Variants in GPHN observed in about 807,000 individuals in gnomAD.
The protein encoded by GPHN is gephyrin.
A neutral mutation model predicts 95.5 loss-of-function variants in GPHN; 17 were observed. That is an observed-to-expected ratio of 0.18 (90% CI 0.12 to 0.27). GPHN has a LOEUF of 0.27. Among genes scored for constraint, GPHN ranks in the 10% least tolerant of loss-of-function variants. The pLI, the probability that GPHN is intolerant of heterozygous loss-of-function variation, is 1.00. For missense variants in GPHN, 660 were observed against 978.1 expected, an observed-to-expected ratio of 0.67 and a Z score of 4.34; for synonymous variants, 320 against 322.5, an observed-to-expected ratio of 0.99 and a Z score of 0.08.
chr14:67,427,985 G>A, the GPHN span, among the ~76,000 whole-genome samples: 80 of 150,568 alleles, frequency 5.3e-4, no homozygotes, highest in Non-Finnish European at 1.0e-3. Context: ...ACAGTGGCAC[G>A]ATTCTGGCTC....
intron 11 of GPHN, among the ~76,000 whole-genome samples, chr14:67,076,919 C>T (rs2076518713): frequency 6.6e-6 from 1 of 152,164 alleles, no homozygotes. Context: ...TCCTGGACCA[C>T]TGAACTTAGA....
chr14:67,319,044 C>T, the GPHN span, among the ~76,000 whole-genome samples: 3 of 147,924 alleles, frequency 2.0e-5, no homozygotes, highest in Non-Finnish European at 4.4e-5. Flanking sequence ...GGCGACAGAG[C>T]GAGACTCCGT....
At chr14:67,193,695 C>A in the GPHN span, among the ~76,000 whole-genome samples, 1 of 147,668 alleles carries the variant, frequency 6.8e-6, no homozygotes, top group African/African-American at 2.5e-5. Flanking sequence ...ATAATCCCAG[C>A]ACTTTGGGAG....
the GPHN span, among the ~76,000 whole-genome samples, chr14:67,354,346 CTTTG>C: frequency 1.3e-5 from 2 of 152,114 alleles, no homozygotes; most frequent in East Asian, 1.9e-4. Context: ...AAAATAATAT[CTTTG>C]TTTTAGTTTC....
chr14:67,320,384 A>C, the GPHN span: 21 of 1,606,740 alleles, frequency 1.3e-5, no homozygotes, highest in African/African-American at 2.3e-4. Flanking sequence ...ACCGCTTTGC[A>C]TCTGCAGTTC....
At chr14:66,813,172 G>C (rs978187698) in intron 3 of GPHN, among the ~76,000 whole-genome samples, 1 of 152,112 alleles carries the variant, frequency 6.6e-6, no homozygotes, top group Non-Finnish European at 1.5e-5. Flanking sequence ...TTTGCTAATA[G>C]TGCCTACTAT....
chr14:67,256,851 T>C, the GPHN span, among the ~76,000 whole-genome samples: 1 of 150,550 alleles, frequency 6.6e-6, no homozygotes, highest in East Asian at 2.0e-4. Context: ...CCTGATTTGT[T>C]TGAATGTATA....
At chr14:67,111,501 A>G (rs1391454074) in intron 14 of GPHN, among the ~76,000 whole-genome samples, 3 of 152,190 alleles carry the variant, frequency 2.0e-5, no homozygotes, top group African/African-American at 7.2e-5. Flanking sequence ...TTACCTCCAC[A>G]CACGTTCACT....
chr14:67,658,438 CA>C, the GPHN span, among the ~76,000 whole-genome samples: 4 of 150,544 alleles, frequency 2.7e-5, no homozygotes, highest in Admixed American at 6.6e-5. Context: ...ACTAAAAGTA[CA>C]AAAAAAAATT....
intron 8 of GPHN, among the ~76,000 whole-genome samples, chr14:66,943,929 T>A (rs1017222412): frequency 9.9e-5 from 15 of 152,174 alleles, no homozygotes; most frequent in Non-Finnish European, 1.5e-5. Flanking sequence ...GAGGGATCTA[T>A]CCACTTTTAA....
chr14:67,620,993 G>A, the GPHN span: 5 of 1,605,256 alleles, frequency 3.1e-6, no homozygotes, highest in Admixed American at 6.7e-5. Flanking sequence ...TTAGATATTA[G>A]TGCAGGACTA....
chr14:66,617,098 C>T (rs1595255025), intron 1 of GPHN, among the ~76,000 whole-genome samples: 2 of 152,266 alleles, frequency 1.3e-5, no homozygotes, highest in South Asian at 2.1e-4. Context: ...CTGGGCTTCC[C>T]GGATTCCTCA....
chr14:66,622,663 A>G (rs968019761), intron 1 of GPHN, among the ~76,000 whole-genome samples: 2 of 152,114 alleles, frequency 1.3e-5, no homozygotes, highest in Admixed American at 6.5e-5. Flanking sequence ...ATCTCTCTCA[A>G]GTTCAAAGTT....
the GPHN span, among the ~76,000 whole-genome samples, chr14:67,380,323 A>G: frequency 2.0e-5 from 3 of 150,990 alleles, no homozygotes; most frequent in Non-Finnish European, 4.4e-5. Context: ...AAGTTTTTCC[A>G]TGTTTTTTTT....
At chr14:66,587,409 C>G (rs925502094) in intron 1 of GPHN, among the ~76,000 whole-genome samples, 1 of 152,072 alleles carries the variant, frequency 6.6e-6, no homozygotes, top group Admixed American at 6.6e-5. Flanking sequence ...ATACCATAGA[C>G]AAACAAGTAT....
intron 3 of GPHN, among the ~76,000 whole-genome samples, chr14:66,793,414 A>G (rs1335270314): frequency 6.6e-6 from 1 of 152,220 alleles, no homozygotes; most frequent in Non-Finnish European, 1.5e-5. Context: ...CCACAGGAAC[A>G]AAATAATAAA....
chr14:67,150,391 A>G (rs1166597014), intron 18 of GPHN, among the ~76,000 whole-genome samples: 1 of 141,256 alleles, frequency 7.1e-6, no homozygotes, highest in African/African-American at 2.6e-5. Flanking sequence ...CAGTGAGCCG[A>G]GATCCCGCCA....
intron 4 of GPHN, among the ~76,000 whole-genome samples, chr14:66,861,144 G>A (rs1321641438): frequency 6.6e-6 from 1 of 152,028 alleles, no homozygotes; most frequent in Non-Finnish European, 1.5e-5. Context: ...GAGAAACACA[G>A]TTCACCTGTA....
At chr14:66,800,336 T>C (rs2060301707) in intron 3 of GPHN, among the ~76,000 whole-genome samples, 1 of 152,150 alleles carries the variant, frequency 6.6e-6, no homozygotes, top group African/African-American at 2.4e-5. Flanking sequence ...CTGCTTTTTT[T>C]CTGATCGAAG....
Sources: allele counts gnomAD v4.1 joint callset (sites outside exome capture counted in the v4.1 genomes callset), GRCh38; gene constraint gnomAD v4.1.1; transcripts MANE v1.5; gene names NCBI Gene and HGNC (gene_info 2026-07-23, HGNC 2026-07-21).